The following ZFYVE16 variants were observed in gnomAD, a reference collection of about 807,000 sequenced individuals.
ZFYVE16 encodes the protein zinc finger FYVE-type containing 16, also known as zinc finger FYVE domain-containing protein 16.
ZFYVE16 carries 89 observed loss-of-function variants against 138.1 expected under a neutral mutation model. The ratio of observed to expected loss-of-function variants is 0.64; its 90% CI spans 0.54 to 0.77. The LOEUF is 0.77. Among genes scored for constraint, ZFYVE16 ranks in the 30% least tolerant of loss-of-function variants. The pLI is 0.00. For synonymous variants in ZFYVE16, 596 were observed against 618.3 expected, an observed-to-expected ratio of 0.96 and a Z score of 0.53; for missense variants, 1,793 against 1,786.7, an observed-to-expected ratio of 1.00 and a Z score of -0.06.
chr5:80,468,794 C>T (rs1184999739), intron 15 of ZFYVE16, among the ~76,000 whole-genome samples: 3 of 152,168 alleles, frequency 2.0e-5, no homozygotes, highest in South Asian at 4.1e-4. Flanking sequence ...ATTATATACT[C>T]TTATTTATAA....
chr5:80,434,568 C>T lies in ZFYVE16; in HGVS notation c.70+351C>T, dbSNP rs557115078. On this transcript the variant is annotated intron_variant, in intron 3 of 18. Transcript: ENST00000505560. ...CAGAGCTCATTGCAGCCTCAACCCC[C>T]GAGGCTCAAGCATTTCTCCCACTTC... 1.2e-4 allele frequency among the ~76,000 whole-genome samples: 18 copies of T among 152,242 alleles called. No individual in the cohort carries two copies. The East Asian group carries it at 2.9e-3, about 25-fold the overall frequency.
intron 5 of ZFYVE16, 72 bp from the exon 6 acceptor site, chr5:80,443,051 T>G: frequency 7.4e-7 from 1 of 1,350,064 alleles, no homozygotes; most frequent in Non-Finnish European, 9.9e-7. Context: ...AATAGAATAT[T>G]TATTGTAATT....
intron 15 of ZFYVE16, among the ~76,000 whole-genome samples, chr5:80,470,101 A>ATTTTTTTTTTT (rs1185797719): frequency 9.2e-6 from 1 of 108,564 alleles, no homozygotes. Flanking sequence ...GTGTGTGTGT[A>ATTTTTTTTTTT]TTTTTTTTTT....
Position 80,477,392 on chromosome 5 carries a change from A to G in ZFYVE16, c.*15A>G, listed in dbSNP as rs868486024. 4 of 1,595,220 alleles carry G rather than the reference A, an allele frequency of 2.5e-6. No individual in the cohort carries two copies. The highest frequency in any genetic ancestry group is 1.8e-5 in the Admixed American group (1 of 56,056). On this transcript the variant is annotated 3_prime_UTR_variant, in exon 19 of 19. Transcript: ENST00000505560. ...ATCTTTTTTAGTGAAAGAATGTGCC[A>G]TATTACATATTGCAACCTAATTTGT...
At chr5:80,431,533 C>T (rs997664524) in intron 2 of ZFYVE16, among the ~76,000 whole-genome samples, 8 of 152,180 alleles carry the variant, frequency 5.3e-5, no homozygotes, top group African/African-American at 1.9e-4. Flanking sequence ...TGGCACAAGA[C>T]AGGGATGCCT....
intron 3 of ZFYVE16, among the ~76,000 whole-genome samples, 174 bp downstream of exon 3, chr5:80,434,391 G>A (rs1261794286): frequency 6.6e-6 from 1 of 152,104 alleles, no homozygotes; most frequent in African/African-American, 2.4e-5. Flanking sequence ...GACTGAATGG[G>A]ACCCATAGCC....
intron 14 of ZFYVE16, among the ~76,000 whole-genome samples, chr5:80,457,951 G>A (rs1038764063): frequency 4.0e-5 from 6 of 151,446 alleles, no homozygotes; most frequent in Admixed American, 1.3e-4. Context: ...GCGTGAACCC[G>A]GGAGGCGGAG....
rs146786179 is a variant in ZFYVE16 at position 80,457,802 on chromosome 5, C to T, written c.3943+710C>T. ...CAGAACTTTGGGAGGCTGAGGTGAG[C>T]GGATCACAAGGTCAAGAATTGAGAC... On this transcript the variant is annotated intron_variant, in intron 14 of 18. Transcript: ENST00000505560. 9.2e-3 allele frequency among the ~76,000 whole-genome samples: 1,377 copies of T among 150,386 alleles called. 18 individuals are homozygous for T. Among genetic ancestry groups the T allele is most frequent in the African/African-American group, 0.029 (1,197 of 40,932 alleles).
At position 80,481,178 on chromosome 5, in the gene ZFYVE16, G is replaced by A. The variant is rs1755256224; in HGVS notation, c.*3801G>A. Among the ~76,000 whole-genome samples the A allele has an allele frequency of 1.3e-5, 2 of 152,160 alleles. No homozygotes were observed. Among genetic ancestry groups the A allele is most frequent in the Non-Finnish European group, 2.9e-5 (2 of 68,026 alleles). ...TCTACATCAATCCCGCAGCAGTAAA[G>A]AGGTATCACTCTTCTCTTCCCCCTG... On this transcript the variant is annotated 3_prime_UTR_variant, in exon 19 of 19. Coordinates refer to ENST00000505560, the MANE Select transcript of ZFYVE16 (RefSeq NM_001284236.3).
chr5:80,451,788 C>G, intron 11 of ZFYVE16, 79 bp downstream of exon 11: 2 of 1,310,160 alleles, frequency 1.5e-6, no homozygotes, highest in Admixed American at 4.3e-5. Flanking sequence ...TCATTAAAAT[C>G]AATTTTAATG....
At chr5:80,439,367 C>T (rs1332901268) in intron 4 of ZFYVE16, among the ~76,000 whole-genome samples, 1 of 152,028 alleles carries the variant, frequency 6.6e-6, no homozygotes, top group Non-Finnish European at 1.5e-5. Flanking sequence ...ATTTCAAGAC[C>T]AATCTACAGC....
chr5:80,476,026 C>T (rs769058189), intron 18 of ZFYVE16, among the ~76,000 whole-genome samples: 35 of 152,332 alleles, frequency 2.3e-4, no homozygotes, highest in Admixed American at 3.9e-4. Flanking sequence ...TCACTGCAGC[C>T]TCTGCCCCCT....
chr5:80,455,577 A>G, intron 11 of ZFYVE16, 115 bp from the exon 12 acceptor site: 1 of 842,634 alleles, frequency 1.2e-6, no homozygotes, highest in South Asian at 1.6e-5. Context: ...CTAAGAACTG[A>G]TTGAGTGATA....
chr5:80,438,491 A>G lies in ZFYVE16; in HGVS notation c.1806A>G (p.Gln602=). Residue 602 remains glutamine, a synonymous_variant, in exon 4 of 19, where the codon CAA becomes CAG. Transcript: ENST00000505560. Reference sequence around the variant, plus strand: ...TAATTTGTGAAATAGTTGATAAACAAAATACAATAGAAAATGGCCTTTCTT... The same window carrying G: ...TAATTTGTGAAATAGTTGATAAACAGAATACAATAGAAAATGGCCTTTCTT... ...INIICEIVDK[Q]NTIENGLSLG... 1 of 1,613,732 alleles carries G rather than the reference A, an allele frequency of 6.2e-7. No individual in the cohort carries two copies. The highest frequency in any genetic ancestry group is 8.5e-7 in the Non-Finnish European group (1 of 1,179,852).
chr5:80,473,311 C>T (rs1384578883), intron 16 of ZFYVE16, among the ~76,000 whole-genome samples: 2 of 152,156 alleles, frequency 1.3e-5, no homozygotes, highest in African/African-American at 4.8e-5. Flanking sequence ...ATACAAACAA[C>T]TGGATTTAAT....
At chr5:80,471,153 T>A (rs1422860195) in intron 15 of ZFYVE16, among the ~76,000 whole-genome samples, 4 of 152,132 alleles carry the variant, frequency 2.6e-5, no homozygotes, top group South Asian at 2.1e-4. Flanking sequence ...TCCATATGGA[T>A]AAGATAGGGC....
At chr5:80,471,607 C>G (rs932673062) in intron 15 of ZFYVE16, among the ~76,000 whole-genome samples, 3 of 152,144 alleles carry the variant, frequency 2.0e-5, no homozygotes, top group Middle Eastern at 3.2e-3. Context: ...GCGGTGACCC[C>G]CCGGACCCAG....
At chr5:80,436,372 C>T (rs1749908811) in intron 3 of ZFYVE16, among the ~76,000 whole-genome samples, 1 of 152,160 alleles carries the variant, frequency 6.6e-6, no homozygotes, top group African/African-American at 2.4e-5. Flanking sequence ...ATCAAATTAT[C>T]AGAGCAACTA....
chr5:80,409,766 GA>G, intron 1 of ZFYVE16: 1 of 152,360 alleles, frequency 6.6e-6, no homozygotes, highest in African/African-American at 2.4e-5. Flanking sequence ...CAAGCCTGCT[GA>G]AAGGCTCCTG....
Sources: gnomAD v4.1 joint callset for allele counts (sites outside exome capture counted in the v4.1 genomes callset) on GRCh38, gnomAD v4.1.1 for gene constraint, MANE v1.5 for transcripts, NCBI Gene and HGNC (gene_info 2026-07-23, HGNC 2026-07-21) for gene names.